Variants in EYS observed in about 807,000 individuals in gnomAD.
EYS encodes the protein EGF-like photoreceptor maintenance factor, also known as protein eyes shut homolog.
A neutral mutation model predicts 282.1 loss-of-function variants in EYS; 250 were observed. That is an observed-to-expected ratio of 0.89 (90% CI 0.80 to 0.98). The LOEUF is 0.98. EYS is among the 50% of genes least tolerant of loss of function. EYS has a pLI of 0.00. For missense variants in EYS, 4,016 were observed against 3,709.0 expected (o/e 1.08, Z -2.15); for synonymous variants, 1,355 against 1,282.9 (o/e 1.06, Z -1.20).
At chr6:65,613,193 A>T (rs1265429781) in intron 2 of EYS, among the ~76,000 whole-genome samples, 1 of 151,830 alleles carries the variant, frequency 6.6e-6, no homozygotes, top group African/African-American at 2.4e-5. Context: ...AAATCACATT[A>T]TTTAGTGTTG....
At chr6:65,270,510 C>G (rs1212908321) in intron 12 of EYS, among the ~76,000 whole-genome samples, 3 of 152,132 alleles carry the variant, frequency 2.0e-5, no homozygotes, top group Non-Finnish European at 4.4e-5. Flanking sequence ...TAACTGTTCT[C>G]GCTTAACACA....
intron 36 of EYS, among the ~76,000 whole-genome samples, chr6:63,812,821 ATT>A (rs913840441): frequency 2.0e-5 from 3 of 152,028 alleles, no homozygotes; most frequent in African/African-American, 7.2e-5. Flanking sequence ...GCTTGTTTGA[ATT>A]TGTTTTTTGT....
intron 36 of EYS, among the ~76,000 whole-genome samples, chr6:63,829,222 G>T (rs1419541058): frequency 2.0e-5 from 3 of 152,170 alleles, no homozygotes; most frequent in Non-Finnish European, 4.4e-5. Context: ...GTCTCACTGG[G>T]GCTTGTCAGA....
chr6:64,332,088 G>C (rs944763387), intron 29 of EYS, among the ~76,000 whole-genome samples: 2 of 152,160 alleles, frequency 1.3e-5, no homozygotes, highest in African/African-American at 4.8e-5. Context: ...ATCACCTACA[G>C]GGTTCTGGAA....
chr6:64,912,190 A>G (rs978009872), intron 16 of EYS, among the ~76,000 whole-genome samples: 1 of 151,778 alleles, frequency 6.6e-6, no homozygotes, highest in Non-Finnish European at 1.5e-5. Context: ...ATTGTTCAGA[A>G]AAGAGAAACT....
At chr6:64,988,233 G>GGA (rs988244150) in intron 14 of EYS, among the ~76,000 whole-genome samples, 7 of 151,342 alleles carry the variant, frequency 4.6e-5, no homozygotes, top group African/African-American at 1.2e-4. Flanking sequence ...CTTGATACCT[G>GGA]GAGAGAGAGA....
rs576875192 is a variant in EYS, at chr6:65,375,808, G to A, written c.1299+8578C>T. 3.9e-5 allele frequency among the ~76,000 whole-genome samples: 6 copies of A among 152,030 alleles called. No homozygotes were observed. The South Asian group carries it at 1.2e-3, about 32-fold the overall frequency. On this transcript the variant is annotated intron_variant, in intron 8 of 42. Transcript: ENST00000503581. The stretch of plus-strand genomic sequence containing the variant: ...TTGAAGATCAACTTAATGAAATAAA[G>A]CGTGAAGACAAGATTACAACAAACA...
Position 63,720,970 on chromosome 6 carries a change from C to T in EYS, c.9061G>A (p.Ala3021Thr). The part of the protein sequence containing the change: ...IGLHNQTLKI[A>T]VNLGERISVP... ...GAGATTCTTTCTCCCAAGTTAACTG[C>T]TATTTTCAAGGTCTGATTATGGAGA... The change falls in exon 43 of 43, where the codon GCA becomes ACA. Residue 3021 changes from alanine (A) to threonine (T), a missense_variant. Ala to Thr is a moderately conservative substitution (Grantham distance 58, BLOSUM62 0). Coordinates refer to ENST00000503581, the MANE Select transcript of EYS (RefSeq NM_001142800.2). 1 of 1,551,340 alleles carries T rather than the reference C, an allele frequency of 6.4e-7. No individual in the cohort carries two copies. The highest frequency in any genetic ancestry group is 8.7e-7 in the Non-Finnish European group (1 of 1,146,788).
At chr6:63,900,830 A>G (rs1321450149) in intron 35 of EYS, among the ~76,000 whole-genome samples, 4 of 152,194 alleles carry the variant, frequency 2.6e-5, no homozygotes, top group African/African-American at 9.7e-5. Flanking sequence ...GAACAAAGAT[A>G]TTGGTAGCTG....
At chr6:64,195,548 C>G (rs1480200305) in intron 31 of EYS, among the ~76,000 whole-genome samples, 1 of 152,170 alleles carries the variant, frequency 6.6e-6, no homozygotes, top group Non-Finnish European at 1.5e-5. Context: ...TGATCCGCCC[C>G]TCGACCTCCC....
At chr6:65,050,405 TA>T (rs760476076) in intron 13 of EYS, among the ~76,000 whole-genome samples, 1 of 151,640 alleles carries the variant, frequency 6.6e-6, no homozygotes, top group African/African-American at 2.4e-5. Flanking sequence ...ACGAATCGTT[TA>T]TTTTTTTTCT....
intron 2 of EYS, among the ~76,000 whole-genome samples, chr6:65,622,916 C>T (rs1432385182): frequency 1.3e-5 from 2 of 152,000 alleles, no homozygotes; most frequent in Non-Finnish European, 2.9e-5. Flanking sequence ...CACAACACCA[C>T]CCGACTAATT....
intron 12 of EYS, among the ~76,000 whole-genome samples, chr6:65,102,185 A>G (rs2150183829): frequency 6.6e-6 from 1 of 151,486 alleles, no homozygotes; most frequent in East Asian, 1.9e-4. Context: ...CACTTGTAAG[A>G]TTTTTGAAGA....
chr6:64,919,419 C>CTTT lies in EYS; in HGVS notation c.2382-6679_2382-6677dup, dbSNP rs370375636. Among the ~76,000 whole-genome samples the CTTT allele has an allele frequency of 1.2e-3, 162 of 135,478 alleles. 2 individuals are homozygous for CTTT. The East Asian group carries it at 0.023, about 19-fold the overall frequency. 88.9% of individuals were successfully genotyped at this position (135,478 alleles called of 152,430 possible). Reference sequence around the variant, plus strand: ...TCCTTTTTTATGTTTTTCTTTTTTTCTTTTTTTTTTTTTTGTGAGGCTGAA... The same window carrying CTTT: ...TCCTTTTTTATGTTTTTCTTTTTTTCTTTTTTTTTTTTTTTTTGTGAGGCTGAA... On this transcript the variant is annotated intron_variant, in intron 15 of 42. Transcript: ENST00000503581.
intron 2 of EYS, among the ~76,000 whole-genome samples, chr6:65,537,636 A>T (rs2210338): frequency 6.6e-5 from 10 of 151,846 alleles, no homozygotes; most frequent in African/African-American, 1.9e-4. Context: ...TCATTTCAAA[A>T]GAAAACAGAA....
intron 29 of EYS, among the ~76,000 whole-genome samples, chr6:64,386,721 T>C (rs887632441): frequency 6.6e-6 from 1 of 152,196 alleles, no homozygotes; most frequent in Non-Finnish European, 1.5e-5. Flanking sequence ...TCATTAAAAT[T>C]CCAAATTTTC....
intron 22 of EYS, among the ~76,000 whole-genome samples, chr6:64,686,116 G>A (rs1770091512): frequency 6.7e-6 from 1 of 149,970 alleles, no homozygotes; most frequent in Non-Finnish European, 1.5e-5. Flanking sequence ...AAAAAAAACA[G>A]GAAACTGTTA....
chr6:65,658,109 G>A (rs1277317446), intron 1 of EYS, among the ~76,000 whole-genome samples: 2 of 151,670 alleles, frequency 1.3e-5, no homozygotes, highest in African/African-American at 2.4e-5. Context: ...TATATGTGCT[G>A]GTAACCAAAT....
At chr6:64,816,197 AG>A (rs1294723443) in intron 21 of EYS, among the ~76,000 whole-genome samples, 1 of 152,160 alleles carries the variant, frequency 6.6e-6, no homozygotes. Flanking sequence ...GTACCTACTA[AG>A]TCCCTACCAT....
Sources: allele counts gnomAD v4.1 joint callset (sites outside exome capture counted in the v4.1 genomes callset), GRCh38; gene constraint gnomAD v4.1.1; transcripts MANE v1.5; gene names NCBI Gene and HGNC (gene_info 2026-07-23, HGNC 2026-07-21).